BABAM2: variants seen among roughly 807,000 people sequenced by gnomAD.
The protein encoded by BABAM2 is BRISC and BRCA1 A complex member 2.
In BABAM2, 31 loss-of-function variants were observed where a neutral mutation model predicts 54.7. The ratio of observed to expected loss-of-function variants is 0.57; its 90% CI spans 0.43 to 0.77. The LOEUF (loss-of-function observed/expected upper bound fraction) is 0.77. BABAM2 is among the 30% of genes least tolerant of loss of function. The probability of loss-of-function intolerance (pLI) is 0.00; values close to 1 mark genes in which losing one functional copy is unlikely to be tolerated. For synonymous variants in BABAM2, 167 were observed against 162.9 expected, an observed-to-expected ratio of 1.03 and a Z score of -0.19; for missense variants, 364 against 455.8, an observed-to-expected ratio of 0.80 and a Z score of 1.83.
At chr2:28,258,439 A>G (rs1215377528) in intron 10 of BABAM2, among the ~76,000 whole-genome samples, 1 of 151,988 alleles carries the variant, frequency 6.6e-6, no homozygotes, top group East Asian at 1.9e-4. Context: ...CCAACTCTTG[A>G]TATTGTCATT....
intron 10 of BABAM2, among the ~76,000 whole-genome samples, chr2:28,249,745 A>G (rs1169020935): frequency 1.3e-5 from 2 of 151,770 alleles, no homozygotes; most frequent in African/African-American, 2.4e-5. Flanking sequence ...GGCTCAGGTG[A>G]TCCTCCCACC....
intron 10 of BABAM2, among the ~76,000 whole-genome samples, chr2:28,297,866 GC>G (rs1168424194): frequency 2.6e-5 from 4 of 152,152 alleles, no homozygotes; most frequent in Non-Finnish European, 5.9e-5. Flanking sequence ...TTGAAAAACA[GC>G]CTCTGTCCCA....
At chr2:28,259,171 T>C (rs1684274792) in intron 10 of BABAM2, among the ~76,000 whole-genome samples, 1 of 123,272 alleles carries the variant, frequency 8.1e-6, no homozygotes, top group African/African-American at 3.1e-5. Context: ...CACAGCAATC[T>C]CCACCTCCCA....
chr2:28,332,303 T>A (rs79412263), intron 11 of BABAM2, among the ~76,000 whole-genome samples: 6 of 152,044 alleles, frequency 3.9e-5, no homozygotes, highest in African/African-American at 1.2e-4. Flanking sequence ...GAACTTTTTT[T>A]AAAAAAGAGA....
intron 7 of BABAM2, among the ~76,000 whole-genome samples, chr2:28,218,849 T>A (rs1680144172): frequency 6.6e-6 from 1 of 152,228 alleles, no homozygotes; most frequent in African/African-American, 2.4e-5. Flanking sequence ...CCTCATTTAT[T>A]TATTTATCCA....
intron 6 of BABAM2, among the ~76,000 whole-genome samples, chr2:28,082,896 A>G (rs779287992): frequency 4.6e-5 from 7 of 152,094 alleles, no homozygotes; most frequent in Non-Finnish European, 8.8e-5. Context: ...TTAAAACCTA[A>G]TAATTTGTCC....
At chr2:28,083,781 A>C (rs1665393525) in intron 6 of BABAM2, among the ~76,000 whole-genome samples, 1 of 152,138 alleles carries the variant, frequency 6.6e-6, no homozygotes, top group Non-Finnish European at 1.5e-5. Context: ...GCGAGTGGCC[A>C]TCTTTGATAT....
At chr2:27,949,141 A>T (rs939735066) in intron 3 of BABAM2, among the ~76,000 whole-genome samples, 2 of 152,204 alleles carry the variant, frequency 1.3e-5, no homozygotes, top group African/African-American at 4.8e-5. Context: ...CTTGGGGAAT[A>T]AGAAGGAAGG....
At chr2:27,964,230 A>T (rs1670682419) in intron 3 of BABAM2, among the ~76,000 whole-genome samples, 1 of 152,038 alleles carries the variant, frequency 6.6e-6, no homozygotes, top group African/African-American at 2.4e-5. Context: ...CCATGTTTCG[A>T]TGCAGCATGA....
At position 28,183,739 on chromosome 2, in the gene BABAM2, TCA is replaced by T. The variant is rs1286120518; in HGVS notation, c.681-53429_681-53428del. ...ATTTTATGTTACTTTTGGATGAAGA[TCA>T]CACACACACACACACACACACACAC... On this transcript the variant is annotated intron_variant, in intron 7 of 11. Coordinates refer to ENST00000379624, the MANE Select transcript of BABAM2 (RefSeq NM_199191.3). 2.8e-3 allele frequency among the ~76,000 whole-genome samples: 376 copies of T among 133,214 alleles called. 4 individuals are homozygous for T. In the South Asian group the frequency reaches 0.032, roughly 11 times the overall value. 87.4% of individuals were successfully genotyped at this position (133,214 alleles called of 152,430 possible).
chr2:28,083,733 C>T (rs534690644), intron 6 of BABAM2, among the ~76,000 whole-genome samples: 1 of 152,178 alleles, frequency 6.6e-6, no homozygotes, highest in South Asian at 2.1e-4. Flanking sequence ...CTGATTTGGC[C>T]TGTGGGTAAC....
intron 3 of BABAM2, among the ~76,000 whole-genome samples, chr2:27,954,414 G>A (rs1455747731): frequency 6.6e-6 from 1 of 152,230 alleles, no homozygotes; most frequent in Non-Finnish European, 1.5e-5. Context: ...GGAGGCCTCA[G>A]CAACTCACTG....
At chr2:27,942,823 T>TATTTATTA (rs1379643832) in intron 3 of BABAM2, among the ~76,000 whole-genome samples, 28 of 151,262 alleles carry the variant, frequency 1.9e-4, no homozygotes, top group Non-Finnish European at 3.8e-4. Context: ...TTTATTTATT[T>TATTTATTA]ATTTATTAAG....
rs80151097 is a variant in BABAM2 at position 28,203,434 on chromosome 2, G to T, written c.681-33768G>T. On this transcript the variant is annotated intron_variant, in intron 7 of 11. Coordinates refer to ENST00000379624, the MANE Select transcript of BABAM2 (RefSeq NM_199191.3). ...TCTACTTTCTTGTGTGAGGGTGGGTGTCTCTGGCACCTTGGGTTAGAGAGT... is the reference window on the plus strand; with the variant it reads ...TCTACTTTCTTGTGTGAGGGTGGGTTTCTCTGGCACCTTGGGTTAGAGAGT... Among the ~76,000 whole-genome samples the T allele has an allele frequency of 5.1e-3, 784 of 152,296 alleles. 4 individuals carry two copies. The highest frequency in any genetic ancestry group is 0.018 in the African/African-American group (729 of 41,570).
chr2:28,100,462 C>CAA lies in BABAM2; in HGVS notation c.571-28790_571-28789dup, dbSNP rs34217491. On this transcript the variant is annotated intron_variant, in intron 6 of 11. Transcript: ENST00000379624. ...GTGACAGAGCGAGAGACTCTGTCTC[C>CAA]AAAAAAAAAAAAAAAAAAAAGATGG... is the stretch of plus-strand genomic sequence containing the variant. Among the ~76,000 whole-genome samples the CAA allele has an allele frequency of 7.2e-3, 641 of 89,144 alleles. 12 individuals carry two copies. The highest frequency in any genetic ancestry group is 7.9e-3 in the Non-Finnish European group (384 of 48,302). 58.5% of individuals were successfully genotyped at this position (89,144 alleles called of 152,430 possible).
intron 7 of BABAM2, among the ~76,000 whole-genome samples, chr2:28,135,621 T>C (rs1670467463): frequency 6.6e-6 from 1 of 152,184 alleles, no homozygotes; most frequent in African/African-American, 2.4e-5. Context: ...TTAAAGGGCC[T>C]GAAACTAAAC....
intron 8 of BABAM2, among the ~76,000 whole-genome samples, chr2:28,238,808 A>G (rs957800767): frequency 6.7e-6 from 1 of 149,414 alleles, no homozygotes; most frequent in Non-Finnish European, 1.5e-5. Context: ...AAGCTCTCCA[A>G]TTGAGATTAA....
chr2:28,165,863 T>A (rs536479854), intron 7 of BABAM2, among the ~76,000 whole-genome samples: 2 of 152,184 alleles, frequency 1.3e-5, no homozygotes, highest in African/African-American at 2.4e-5. Context: ...GCAGAGAAAA[T>A]GCTTTGGAAG....
intron 11 of BABAM2, among the ~76,000 whole-genome samples, chr2:28,332,373 G>A (rs1258666775): frequency 6.6e-6 from 1 of 152,188 alleles, no homozygotes; most frequent in Non-Finnish European, 1.5e-5. Context: ...AAAGGGTTAA[G>A]TGGCTTGCTC....
Sources: allele counts gnomAD v4.1 joint callset (sites outside exome capture counted in the v4.1 genomes callset), GRCh38; gene constraint gnomAD v4.1.1; transcripts MANE v1.5; gene names NCBI Gene and HGNC (gene_info 2026-07-23, HGNC 2026-07-21).